CDKAL1: variants seen among roughly 807,000 people sequenced by gnomAD.
The protein encoded by CDKAL1 is threonylcarbamoyladenosine tRNA methylthiotransferase.
Under a neutral mutation model 68.2 loss-of-function variants are expected in CDKAL1, and 32 were observed. That is an observed-to-expected ratio of 0.47 (90% CI 0.35 to 0.63). The LOEUF is 0.63. Ranked by LOEUF, CDKAL1 falls within the 30% of genes least tolerant of loss-of-function variation. The pLI, the probability that CDKAL1 is intolerant of heterozygous loss-of-function variation, is 0.00. For synonymous variants in CDKAL1, 234 were observed against 244.3 expected, an observed-to-expected ratio of 0.96 and a Z score of 0.39; for missense variants, 606 against 696.7, an observed-to-expected ratio of 0.87 and a Z score of 1.47.
chr6:20,785,580 G>A (rs2150382264), intron 8 of CDKAL1, among the ~76,000 whole-genome samples: 1 of 151,954 alleles, frequency 6.6e-6, no homozygotes, highest in African/African-American at 2.4e-5. Flanking sequence ...CAAATTGCTG[G>A]GATTACAGGT....
At position 20,865,682 on chromosome 6, in the gene CDKAL1, T is replaced by TA. The variant is rs1265850727; in HGVS notation, c.742+19508dup. ...ATTTTGAGATTGAAAATATTTAAAA[T>TA]AAAAGAAAAATCTGCATTTCATGTT... On this transcript the variant is annotated intron_variant, in intron 9 of 15. Coordinates refer to ENST00000274695, the MANE Select transcript of CDKAL1 (RefSeq NM_017774.3). Among the ~76,000 whole-genome samples the TA allele has an allele frequency of 4.6e-5, 7 of 151,876 alleles. No individual in the cohort carries two copies. In the South Asian group the frequency reaches 1.5e-3, roughly 32 times the overall value.
intron 12 of CDKAL1, among the ~76,000 whole-genome samples, chr6:21,100,348 G>A (rs969461846): frequency 6.6e-6 from 1 of 152,204 alleles, no homozygotes; most frequent in Non-Finnish European, 1.5e-5. Context: ...GAAGTCTGCT[G>A]TTTTGGTGTC....
At chr6:21,226,553 A>AT (rs1337820700) in intron 15 of CDKAL1, among the ~76,000 whole-genome samples, 18 of 152,362 alleles carry the variant, frequency 1.2e-4, no homozygotes, top group African/African-American at 4.3e-4. Flanking sequence ...AAATAACTCC[A>AT]TTTAACAGAT....
In CDKAL1 at chr6:20,679,649, C is replaced by G. The variant is rs948406221; in HGVS notation, c.371+30272C>G. On this transcript the variant is annotated intron_variant, in intron 5 of 15. Transcript: ENST00000274695. ...TATAGCCTTGAAACTTGAAGGATAC[C>G]TTGGTTGTTTTTAAAATTCATTATT... Among the ~76,000 whole-genome samples, 5 of 152,126 alleles carry G rather than the reference C, an allele frequency of 3.3e-5. No individual in the cohort carries two copies. In the South Asian group the frequency reaches 6.2e-4, roughly 19 times the overall value.
At chr6:20,714,119 T>A (rs1045618039) in intron 5 of CDKAL1, among the ~76,000 whole-genome samples, 5 of 151,874 alleles carry the variant, frequency 3.3e-5, no homozygotes, top group South Asian at 4.1e-4. Context: ...TTCTTTTTTT[T>A]ATCATAATAA....
intron 4 of CDKAL1, among the ~76,000 whole-genome samples, chr6:20,561,490 T>C (rs1270227233): frequency 6.9e-6 from 1 of 144,500 alleles, no homozygotes; most frequent in Non-Finnish European, 1.5e-5. Flanking sequence ...TGTAGCCAGC[T>C]CTTAATATTA....
At chr6:21,131,029 G>A (rs888994098) in intron 13 of CDKAL1, among the ~76,000 whole-genome samples, 1 of 152,124 alleles carries the variant, frequency 6.6e-6, no homozygotes, top group Non-Finnish European at 1.5e-5. Context: ...CTACTTCCAG[G>A]GCAGGGCTTA....
chr6:20,953,629 A>G (rs1480759664), intron 9 of CDKAL1, among the ~76,000 whole-genome samples: 3 of 152,212 alleles, frequency 2.0e-5, no homozygotes, highest in African/African-American at 4.8e-5. Context: ...GGCAGATATA[A>G]TATTAAAGAT....
At chr6:20,679,485 C>T (rs781216854) in intron 5 of CDKAL1, among the ~76,000 whole-genome samples, 18 of 152,106 alleles carry the variant, frequency 1.2e-4, no homozygotes, top group Non-Finnish European at 2.6e-4. Context: ...TTTAGATCTA[C>T]AGTTATGTAG....
At chr6:20,979,944 G>A (rs570247835) in intron 10 of CDKAL1, among the ~76,000 whole-genome samples, 143 of 151,350 alleles carry the variant, frequency 9.4e-4, no homozygotes, top group African/African-American at 3.4e-3. Context: ...GCTAATTTTT[G>A]TATTTTTAGT....
intron 15 of CDKAL1, among the ~76,000 whole-genome samples, chr6:21,204,047 C>T (rs1778801233): frequency 6.6e-6 from 1 of 152,160 alleles, no homozygotes; most frequent in Non-Finnish European, 1.5e-5. Context: ...ATCTTGTGCT[C>T]ACATGCAGCC....
chr6:21,199,550 G>T (rs1778604301), intron 14 of CDKAL1, among the ~76,000 whole-genome samples: 1 of 152,128 alleles, frequency 6.6e-6, no homozygotes. Context: ...GCCTCAGCAG[G>T]GAACTTTTTT....
Position 20,708,491 on chromosome 6 carries a change from G to A in CDKAL1, c.372-31028G>A, listed in dbSNP as rs544508247. ...ACCCTGGAATGTGTGTTACAGTGTG[G>A]TGGGTTTTGGCAAGTCACTTGTGGT... On this transcript the variant is annotated intron_variant, in intron 5 of 15. Transcript: ENST00000274695. Among the ~76,000 whole-genome samples, 154 of 152,214 alleles carry A rather than the reference G, an allele frequency of 1.0e-3. 1 individual carries two copies. Among genetic ancestry groups the A allele is most frequent in the Non-Finnish European group, 2.0e-3 (136 of 68,024 alleles).
At chr6:20,962,975 A>G (rs183433552) in intron 10 of CDKAL1, among the ~76,000 whole-genome samples, 1 of 152,332 alleles carries the variant, frequency 6.6e-6, no homozygotes, top group Non-Finnish European at 1.5e-5. Context: ...TGAAACACCT[A>G]AAACTAGAAA....
chr6:20,720,992 A>G (rs961156894), intron 5 of CDKAL1, among the ~76,000 whole-genome samples: 7 of 152,032 alleles, frequency 4.6e-5, no homozygotes, highest in Non-Finnish European at 8.8e-5. Flanking sequence ...TTTAAGTTCT[A>G]GGGTACATGT....
Position 21,028,548 on chromosome 6 carries a change from A to C in CDKAL1, c.1055+28176A>C, listed in dbSNP as rs189397837. Among the ~76,000 whole-genome samples, 10 of 152,122 alleles carry C rather than the reference A, an allele frequency of 6.6e-5. No individual in the cohort carries two copies. The East Asian group carries it at 1.2e-3, about 18-fold the overall frequency. On this transcript the variant is annotated intron_variant, in intron 11 of 15. Coordinates refer to ENST00000274695, the MANE Select transcript of CDKAL1 (RefSeq NM_017774.3). ...TCCTCTGTGTGTGACATGGGGAGAGAGAGCTCTGGTGTCTCTTCCTTTCCC... is the reference window on the plus strand; with the variant it reads ...TCCTCTGTGTGTGACATGGGGAGAGCGAGCTCTGGTGTCTCTTCCTTTCCC...
rs945342047 is a variant in CDKAL1, at chr6:21,086,007, T to A, written c.1236+20779T>A. On this transcript the variant is annotated intron_variant, in intron 12 of 15. Coordinates refer to ENST00000274695, the MANE Select transcript of CDKAL1 (RefSeq NM_017774.3). ...CAAGAGAAGTTGAAGGAAGAATCTC[T>A]ATGACTTGTACACTGGATAATACTG... Among the ~76,000 whole-genome samples, 4 of 152,214 alleles carry A rather than the reference T, an allele frequency of 2.6e-5. 1 individual carries two copies. The highest frequency in any genetic ancestry group is 7.2e-5 in the African/African-American group (3 of 41,468).
intron 5 of CDKAL1, among the ~76,000 whole-genome samples, chr6:20,702,548 A>C (rs1186215884): frequency 6.6e-6 from 1 of 152,170 alleles, no homozygotes; most frequent in East Asian, 1.9e-4. Flanking sequence ...TGGGCCTTCC[A>C]ACTGCTCAGG....
chr6:21,000,568 A>G (rs1257813238), intron 11 of CDKAL1, among the ~76,000 whole-genome samples, 196 bp downstream of exon 11: 1 of 152,168 alleles, frequency 6.6e-6, no homozygotes, highest in Non-Finnish European at 1.5e-5. Flanking sequence ...TCCACCTTCC[A>G]TCTGTACATG....
Sources: allele counts gnomAD v4.1 joint callset (sites outside exome capture counted in the v4.1 genomes callset), GRCh38; gene constraint gnomAD v4.1.1; transcripts MANE v1.5; gene names NCBI Gene and HGNC (gene_info 2026-07-23, HGNC 2026-07-21).